Variants in MAST4 observed in about 807,000 individuals in gnomAD.
The protein encoded by MAST4 is microtubule associated serine/threonine kinase family member 4.
MAST4 carries 89 observed loss-of-function variants against 162.7 expected under a neutral mutation model. The ratio of observed to expected loss-of-function variants is 0.55; its 90% CI spans 0.46 to 0.65. The LOEUF is 0.65. MAST4 is among the 30% of genes least tolerant of loss of function. The pLI is 0.00. For synonymous variants in MAST4, 1,479 were observed against 1,361.1 expected (o/e 1.09, Z -1.91); for missense variants, 3,153 against 3,374.0 (o/e 0.93, Z 1.62).
Position 66,718,593 on chromosome 5 carries a change from C to T in MAST4, c.364-41116C>T, listed in dbSNP as rs77036914. Among the ~76,000 whole-genome samples, 160 of 152,254 alleles carry T rather than the reference C, an allele frequency of 1.1e-3. 3 individuals carry two copies. The East Asian group carries it at 0.029, about 28-fold the overall frequency. On this transcript the variant is annotated intron_variant, in intron 1 of 28. Coordinates refer to ENST00000403625, the MANE Select transcript of MAST4 (RefSeq NM_001164664.2). ...GTTTTGTGGACAGCCTGAAAGATAT[C>T]TATTACAGTGTTGTTTTTTCTGTTT... is the stretch of plus-strand genomic sequence containing the variant.
At chr5:66,930,517 A>T (rs533041086) in intron 4 of MAST4, among the ~76,000 whole-genome samples, 4 of 152,196 alleles carry the variant, frequency 2.6e-5, no homozygotes, top group African/African-American at 9.7e-5. Context: ...TGGTGTGTGT[A>T]TATGATTGTG....
chr5:67,117,449 G>T (rs1767051484), intron 12 of MAST4, among the ~76,000 whole-genome samples: 1 of 151,976 alleles, frequency 6.6e-6, no homozygotes, highest in African/African-American at 2.4e-5. Flanking sequence ...CATAATGTCT[G>T]CCCAGAAGGG....
chr5:67,091,041 A>G (rs1402568942), intron 6 of MAST4, among the ~76,000 whole-genome samples: 1 of 152,034 alleles, frequency 6.6e-6, no homozygotes, highest in Admixed American at 6.5e-5. Context: ...TATGGTCTGA[A>G]TGTCCTAGAT....
intron 4 of MAST4, chr5:66,959,191 A>G (rs1206610103): frequency 6.4e-6 from 5 of 778,910 alleles, no homozygotes; most frequent in Non-Finnish European, 1.2e-5. Flanking sequence ...CATCACCGGG[A>G]CGCTGGCAGG....
chr5:66,931,833 C>T (rs1313580666), intron 4 of MAST4, among the ~76,000 whole-genome samples: 1 of 152,120 alleles, frequency 6.6e-6, no homozygotes, highest in Non-Finnish European at 1.5e-5. Context: ...ACTGAAATTA[C>T]AACCAGAATA....
chr5:66,667,311 C>G (rs575572618), intron 1 of MAST4, among the ~76,000 whole-genome samples: 1 of 152,252 alleles, frequency 6.6e-6, no homozygotes, highest in East Asian at 1.9e-4. Flanking sequence ...CAGATGGCCC[C>G]TCATTCACAC....
At chr5:66,931,210 A>C (rs1190148690) in intron 4 of MAST4, among the ~76,000 whole-genome samples, 1 of 152,170 alleles carries the variant, frequency 6.6e-6, no homozygotes, top group African/African-American at 2.4e-5. Flanking sequence ...ATACTTACCG[A>C]AGTATATAAA....
intron 1 of MAST4, 38 bp from the exon 2 acceptor site, chr5:66,759,671 T>C: frequency 6.2e-7 from 1 of 1,609,802 alleles, no homozygotes; most frequent in Middle Eastern, 1.7e-4. Context: ...GCTGTGTTGA[T>C]GCCCTAGCCA....
rs924645331 is a variant in MAST4 at position 66,998,140 on chromosome 5, A to G, written c.675-56264A>G. Among the ~76,000 whole-genome samples the G allele has an allele frequency of 2.0e-5, 3 of 152,368 alleles. No homozygotes were observed. The South Asian group carries it at 6.2e-4, about 32-fold the overall frequency. On this transcript the variant is annotated intron_variant, in intron 4 of 28. Coordinates refer to ENST00000403625, the MANE Select transcript of MAST4 (RefSeq NM_001164664.2). ...TAATCTTAAATTACAGAAAGGTCTT[A>G]GTGTCAGCTACGAAAGGGCTAAATA...
At chr5:66,889,747 C>T (rs570039804) in intron 3 of MAST4, among the ~76,000 whole-genome samples, 1 of 152,252 alleles carries the variant, frequency 6.6e-6, no homozygotes, top group African/African-American at 2.4e-5. Flanking sequence ...ACGAAGGGTG[C>T]TCTTAGGTTT....
chr5:66,740,328 AG>A lies in MAST4; in HGVS notation c.364-19379del, dbSNP rs1473757119. ...GAACATTGGCTGATGATTGATCTTG[AG>A]GAACACAGTGAAAACGTGCTGTCTC... On this transcript the variant is annotated intron_variant, in intron 1 of 28. Transcript: ENST00000403625. Among the ~76,000 whole-genome samples, 5 of 152,214 alleles carry A rather than the reference AG, an allele frequency of 3.3e-5. No individual in the cohort carries two copies. The South Asian group carries it at 1.0e-3, about 32-fold the overall frequency.
intron 3 of MAST4, among the ~76,000 whole-genome samples, chr5:66,880,929 C>T (rs1476627605): frequency 6.6e-6 from 1 of 152,132 alleles, no homozygotes; most frequent in Non-Finnish European, 1.5e-5. Context: ...TGAGTATAGC[C>T]AGCTGCCTTT....
At chr5:66,736,450 A>T (rs1315888113) in intron 1 of MAST4, among the ~76,000 whole-genome samples, 1 of 151,938 alleles carries the variant, frequency 6.6e-6, no homozygotes, top group East Asian at 1.9e-4. Context: ...ATTACTATTT[A>T]AAAAAATAGC....
chr5:66,614,179 A>G (rs1223178708), intron 1 of MAST4, among the ~76,000 whole-genome samples: 1 of 152,190 alleles, frequency 6.6e-6, no homozygotes, highest in Non-Finnish European at 1.5e-5. Context: ...GGCCCGGAAC[A>G]TCTTATCCTT....
At chr5:67,094,891 A>G (rs1004252360) in intron 6 of MAST4, among the ~76,000 whole-genome samples, 2 of 152,140 alleles carry the variant, frequency 1.3e-5, no homozygotes, top group East Asian at 1.9e-4. Flanking sequence ...ATTAAGTTCT[A>G]TCACTGGTGG....
At chr5:66,940,388 A>C (rs1743231623) in intron 4 of MAST4, among the ~76,000 whole-genome samples, 1 of 152,196 alleles carries the variant, frequency 6.6e-6, no homozygotes, top group East Asian at 1.9e-4. Flanking sequence ...TTTTATCCAC[A>C]GTATAACTTC....
rs780727083 is a variant in MAST4, at chr5:67,164,149, T to C, written c.4970T>C (p.Ile1657Thr). The part of the protein sequence containing the change: ...DGLCHSLDRG[I>T]SGKGEGTEKS... ...CTCTGCCACTCCCTCGACAGGGGCA[T>C]CTCTGGGAAGGGGGAAGGCACGGAG... The change falls in exon 29 of 29, where the codon ATC (isoleucine) becomes ACC (threonine). Residue 1657 changes from isoleucine (I) to threonine (T), a missense_variant. Physicochemically the swap from Ile to Thr is moderately conservative, Grantham distance 89 (BLOSUM62 -1). Coordinates refer to ENST00000403625, the MANE Select transcript of MAST4 (RefSeq NM_001164664.2). This position sits in a 1 kb window ranked among gnomAD's most constrained non-coding sequence, Gnocchi z 5.3. 6.2e-7 allele frequency: 1 copy of C among 1,608,100 alleles called. No individual in the cohort carries two copies. Among genetic ancestry groups the C allele is most frequent in the African/African-American group, 1.3e-5 (1 of 74,962 alleles).
At chr5:66,838,888 C>T (rs1259617911) in intron 3 of MAST4, among the ~76,000 whole-genome samples, 1 of 152,068 alleles carries the variant, frequency 6.6e-6, no homozygotes, top group East Asian at 1.9e-4. Flanking sequence ...CATAGTCTAG[C>T]AATAGGAAGC....
At chr5:66,600,314 A>C (rs1374568405) in intron 1 of MAST4, among the ~76,000 whole-genome samples, 1 of 152,188 alleles carries the variant, frequency 6.6e-6, no homozygotes, top group Non-Finnish European at 1.5e-5. Context: ...TGTGTTGAGG[A>C]GGTAGCACAC....
Sources: allele counts gnomAD v4.1 joint callset (sites outside exome capture counted in the v4.1 genomes callset), GRCh38; gene constraint gnomAD v4.1.1; non-coding constraint Gnocchi (gnomAD v3.1); transcripts MANE v1.5; gene names NCBI Gene and HGNC (gene_info 2026-07-23, HGNC 2026-07-21).